The following SEC14L1 variants were observed in gnomAD, a reference collection of about 807,000 sequenced individuals.
SEC14L1 encodes SEC14-like protein 1.
A neutral mutation model predicts 85.3 loss-of-function variants in SEC14L1; 48 were observed. The observed-to-expected ratio is 0.56, with a 90% confidence interval of 0.45 to 0.72. The LOEUF (loss-of-function observed/expected upper bound fraction) is 0.72, where lower values mean the gene tolerates loss of function less well. SEC14L1 is among the 30% of genes least tolerant of loss of function. SEC14L1 has a pLI of 0.00. For missense variants in SEC14L1, 682 were observed against 921.4 expected, an observed-to-expected ratio of 0.74 and a Z score of 3.36; for synonymous variants, 391 against 355.5, an observed-to-expected ratio of 1.10 and a Z score of -1.12.
In SEC14L1 at chr17:77,213,401, C is replaced by T. The variant is rs372869341; in HGVS notation, c.1951C>T (p.Arg651Trp). ...TGCGTGCGCCGCCAGCAGCCTTCCC[C>T]GGGTGGACGACGTGCTTGCGTCCCT... ...MPACAASSLP[R>W]VDDVLASLQV... Residue 651 changes from arginine to tryptophan, a missense_variant, in exon 16 of 17, where the codon CGG becomes TGG. By Grantham distance (101) the Arg-to-Trp change is moderately radical. Coordinates refer to ENST00000436233, the MANE Select transcript of SEC14L1 (RefSeq NM_001143998.2). This position sits in a 1 kb window ranked among gnomAD's most constrained non-coding sequence, Gnocchi z 7.1. 1.9e-5 allele frequency: 30 copies of T among 1,613,322 alleles called. No homozygotes were observed. The highest frequency in any genetic ancestry group is 2.1e-5 in the Non-Finnish European group (25 of 1,180,004).
At chr17:77,090,601 G>A (rs538894486) in intron 2 of SEC14L1, among the ~76,000 whole-genome samples, 15 of 152,046 alleles carry the variant, frequency 9.9e-5, no homozygotes, top group African/African-American at 3.4e-4. Context: ...AAAGTTTGCT[G>A]GGCACAGTGC....
At position 77,214,262 on chromosome 17, in the gene SEC14L1, A is replaced by G. The variant is rs1598412346; in HGVS notation, c.*239A>G. The G allele has an allele frequency of 3.8e-6, 5 of 1,325,172 alleles. No homozygotes were observed. The highest frequency in any genetic ancestry group is 3.7e-5 in the Admixed American group (1 of 27,144). 82.1% of individuals were successfully genotyped at this position (1,325,172 alleles called of 1,614,324 possible). ...TTGTATACGTTGTGCACAAAATCCA[A>G]CCAGAGCGCAAGGGCTCTCTTGAAA... On this transcript the variant is annotated 3_prime_UTR_variant, in exon 17 of 17. Coordinates refer to ENST00000436233, the MANE Select transcript of SEC14L1 (RefSeq NM_001143998.2).
chr17:77,165,016 A>AT (rs1974224654), intron 3 of SEC14L1, among the ~76,000 whole-genome samples: 2 of 152,134 alleles, frequency 1.3e-5, no homozygotes, highest in South Asian at 4.1e-4. Context: ...TAGAAGCCAG[A>AT]TTGAGGGCTA....
chr17:77,129,614 G>A (rs2143440411), intron 3 of SEC14L1, among the ~76,000 whole-genome samples: 1 of 152,248 alleles, frequency 6.6e-6, no homozygotes, highest in African/African-American at 2.4e-5. Context: ...CCACATCAAG[G>A]AGGACGTGGG....
intron 3 of SEC14L1, among the ~76,000 whole-genome samples, chr17:77,111,141 C>T (rs966074062): frequency 3.4e-5 from 5 of 147,364 alleles, no homozygotes; most frequent in African/African-American, 5.0e-5. Flanking sequence ...TGGAGTGAGC[C>T]GAGGTTGTGC....
chr17:77,184,805 A>G (rs183091380), intron 3 of SEC14L1, among the ~76,000 whole-genome samples: 47 of 152,350 alleles, frequency 3.1e-4, no homozygotes, highest in East Asian at 1.7e-3. Context: ...GAGCTAGTAC[A>G]TAGATTGATG....
chr17:77,215,109 T>TG lies in SEC14L1; in HGVS notation c.*1091dup. The TG allele has an allele frequency of 1.0e-6, 1 of 985,002 alleles. No homozygotes were observed. Among genetic ancestry groups the TG allele is most frequent in the Non-Finnish European group, 1.2e-6 (1 of 829,876 alleles). The allele number at this position is 985,002 out of a possible 1,614,324, so 61.0% of individuals were successfully genotyped here. On this transcript the variant is annotated 3_prime_UTR_variant, in exon 17 of 17. Transcript: ENST00000436233. ...GTGTGTGTGCATGTGTGCATGACGGTGGGGGTGCTGGGGGGACGGGGTGAG... is the reference window on the plus strand; with the variant it reads ...GTGTGTGTGCATGTGTGCATGACGGTGGGGGGTGCTGGGGGGACGGGGTGAG...
chr17:77,166,811 C>T (rs1295360611), intron 3 of SEC14L1, among the ~76,000 whole-genome samples: 4 of 152,002 alleles, frequency 2.6e-5, no homozygotes, highest in Admixed American at 2.0e-4. Flanking sequence ...TGCACTCCAG[C>T]CTGGGTGACA....
At chr17:77,174,848 T>G (rs1393525813) in intron 3 of SEC14L1, among the ~76,000 whole-genome samples, 1 of 152,258 alleles carries the variant, frequency 6.6e-6, no homozygotes, top group East Asian at 1.9e-4. Context: ...CTGTTACGAC[T>G]GCAAGAGCAC....
intron 8 of SEC14L1, 64 bp downstream of exon 8, chr17:77,196,375 C>A: frequency 1.0e-6 from 1 of 957,692 alleles, no homozygotes; most frequent in South Asian, 1.5e-5. Flanking sequence ...GAATCTCTTT[C>A]TGTCATAGTC....
intron 3 of SEC14L1, among the ~76,000 whole-genome samples, chr17:77,095,961 T>C (rs775439760): frequency 6.6e-6 from 1 of 151,258 alleles, no homozygotes; most frequent in African/African-American, 2.4e-5. Context: ...ACTCCATGGG[T>C]GGAGGCCTAG....
At chr17:77,118,560 T>G (rs1436308377) in intron 3 of SEC14L1, among the ~76,000 whole-genome samples, 3 of 152,246 alleles carry the variant, frequency 2.0e-5, no homozygotes, top group Non-Finnish European at 4.4e-5. Context: ...TTATGTAATA[T>G]TCCAGATGCT....
Position 77,206,700 on chromosome 17 carries a change from T to C in SEC14L1, c.1342-28T>C. 6.4e-7 allele frequency: 1 copy of C among 1,571,554 alleles called. No individual in the cohort carries two copies. On this transcript the variant is annotated intron_variant, in intron 12 of 16. Coordinates refer to ENST00000436233, the MANE Select transcript of SEC14L1 (RefSeq NM_001143998.2). The surrounding 1 kb of genome is among the most constrained non-coding windows in gnomAD (Gnocchi z 4.3). Reference sequence around the variant, plus strand: ...TGGACACTCAGGCAGCAGAGAAATATGACTGCATGGTCTTCTCCTCCTCAC... The same window carrying C: ...TGGACACTCAGGCAGCAGAGAAATACGACTGCATGGTCTTCTCCTCCTCAC...
intron 3 of SEC14L1, among the ~76,000 whole-genome samples, chr17:77,186,565 G>C (rs1009124943): frequency 6.6e-6 from 1 of 152,250 alleles, no homozygotes; most frequent in African/African-American, 2.4e-5. Context: ...TAGGCAGCTG[G>C]AGTGTAGCAT....
At chr17:77,199,132 G>A (rs1975979524) in intron 8 of SEC14L1, 1 of 151,316 alleles carries the variant, frequency 6.6e-6, no homozygotes, top group African/African-American at 2.4e-5. Context: ...AGCCTCCCAA[G>A]TAGCTGGGAC....
chr17:77,158,951 G>A (rs1177380286), intron 3 of SEC14L1, among the ~76,000 whole-genome samples: 3 of 150,770 alleles, frequency 2.0e-5, no homozygotes, highest in Non-Finnish European at 4.4e-5. Flanking sequence ...GATTACAAAT[G>A]TGCACCACCA....
intron 3 of SEC14L1, among the ~76,000 whole-genome samples, chr17:77,112,902 A>G (rs763225640): frequency 1.4e-4 from 21 of 151,982 alleles, no homozygotes; most frequent in Non-Finnish European, 2.4e-4. Flanking sequence ...ATAATGGGTC[A>G]TGCCTGTACT....
In SEC14L1 at chr17:77,212,139, C is replaced by G; in HGVS notation, c.1801C>G (p.Leu601Val). 6.2e-7 allele frequency: 1 copy of G among 1,614,112 alleles called. No homozygotes were observed. The highest frequency in any genetic ancestry group is 1.1e-5 in the South Asian group (1 of 91,082). The change falls in exon 15 of 17, where the codon CTG becomes GTG. Residue 601 changes from leucine (L) to valine (V), a missense_variant. By Grantham distance (32) the Leu-to-Val change is conservative. Coordinates refer to ENST00000436233, the MANE Select transcript of SEC14L1 (RefSeq NM_001143998.2). ...NVQLIDKVWQ[L>V]GRDYSMVESP... ...GCAGCTCATAGACAAAGTCTGGCAG[C>G]TGGGCCGCGACTACAGCATGGTGGA...
At chr17:77,096,389 T>C (rs1191249420) in intron 3 of SEC14L1, among the ~76,000 whole-genome samples, 1 of 151,826 alleles carries the variant, frequency 6.6e-6, no homozygotes, top group African/African-American at 2.4e-5. Flanking sequence ...AAACCCTGTC[T>C]CTACTAAAAA....
Sources: gnomAD v4.1 joint callset for allele counts (sites outside exome capture counted in the v4.1 genomes callset) on GRCh38, gnomAD v4.1.1 for gene constraint, Gnocchi (gnomAD v3.1) non-coding constraint, MANE v1.5 for transcripts, NCBI Gene and HGNC (gene_info 2026-07-23, HGNC 2026-07-21) for gene names.